EXOC6B: variants seen among roughly 807,000 people sequenced by gnomAD.
EXOC6B encodes exocyst complex component 6B.
Under a neutral mutation model 113.5 loss-of-function variants are expected in EXOC6B, and 54 were observed. The observed-to-expected ratio is 0.48, with a 90% CI of 0.38 to 0.60. The LOEUF is 0.60. Ranked by LOEUF, EXOC6B falls within the 20% of genes least tolerant of loss-of-function variation. The pLI, the probability that EXOC6B is intolerant of heterozygous loss-of-function variation, is 0.00. For synonymous variants in EXOC6B, 357 were observed against 339.0 expected (o/e 1.05, Z -0.58); for missense variants, 797 against 977.5 (o/e 0.82, Z 2.46).
rs1325855216 is a variant in EXOC6B, at chr2:72,559,467, T to C, written c.901A>G (p.Ile301Val). The change falls in exon 8 of 22, where the codon ATA (isoleucine) becomes GTA (valine). Residue 301 changes from isoleucine to valine, a missense_variant. Physicochemically the swap from Ile to Val is conservative, Grantham distance 29 (BLOSUM62 3). Coordinates refer to ENST00000272427, the MANE Select transcript of EXOC6B (RefSeq NM_015189.3). Reference sequence around the variant, plus strand: ...TAAAGACTCACCAGGACAGAATATATATGTAGACATCGATAAACTGGAGAG... The same window carrying C: ...TAAAGACTCACCAGGACAGAATATACATGTAGACATCGATAAACTGGAGAG... ...DFSPVYRCLH[I>V]YSVLGARETF... The C allele has an allele frequency of 6.2e-7, 1 of 1,612,226 alleles. No individual in the cohort carries two copies. Among genetic ancestry groups the C allele is most frequent in the African/African-American group, 1.3e-5 (1 of 74,772 alleles).
intron 6 of EXOC6B, among the ~76,000 whole-genome samples, chr2:72,578,568 T>C (rs1705015690): frequency 6.6e-6 from 1 of 152,102 alleles, no homozygotes; most frequent in Non-Finnish European, 1.5e-5. Context: ...CTCTAACTCA[T>C]GATGCTTCCT....
intron 19 of EXOC6B, among the ~76,000 whole-genome samples, chr2:72,375,322 T>A (rs1691289035): frequency 6.6e-6 from 1 of 152,202 alleles, no homozygotes; most frequent in Non-Finnish European, 1.5e-5. Context: ...ACCCATGTGA[T>A]GTCTATAGGC....
At chr2:72,300,795 C>A (rs563663064) in intron 20 of EXOC6B, among the ~76,000 whole-genome samples, 33 of 152,204 alleles carry the variant, frequency 2.2e-4, no homozygotes, top group South Asian at 1.2e-3. Flanking sequence ...ATCCCCCGAC[C>A]CCTTGCACTT....
intron 6 of EXOC6B, among the ~76,000 whole-genome samples, chr2:72,663,260 G>C (rs977030646): frequency 6.6e-6 from 1 of 152,164 alleles, no homozygotes; most frequent in Admixed American, 6.5e-5. Context: ...TCTGCTGAAT[G>C]AAAGAAGCCA....
intron 2 of EXOC6B, among the ~76,000 whole-genome samples, 189 bp from the exon 3 acceptor site, chr2:72,733,307 C>T (rs1024925909): frequency 6.6e-6 from 1 of 152,038 alleles, no homozygotes; most frequent in Non-Finnish European, 1.5e-5. Context: ...GTTTGCATGA[C>T]CTTTTGAAAA....
At chr2:72,604,772 T>C (rs973195096) in intron 6 of EXOC6B, among the ~76,000 whole-genome samples, 4 of 152,190 alleles carry the variant, frequency 2.6e-5, no homozygotes, top group Non-Finnish European at 4.4e-5. Flanking sequence ...TACAACATTC[T>C]TGGGGGAGAG....
chr2:72,330,341 T>C (rs748224306), intron 20 of EXOC6B, among the ~76,000 whole-genome samples: 6 of 151,750 alleles, frequency 4.0e-5, no homozygotes, highest in Non-Finnish European at 8.8e-5. Context: ...GGAGAATAGA[T>C]AGGACATAAA....
intron 18 of EXOC6B, among the ~76,000 whole-genome samples, chr2:72,449,207 G>A (rs1696766101): frequency 6.6e-6 from 1 of 151,628 alleles, no homozygotes; most frequent in South Asian, 2.1e-4. Flanking sequence ...TTTTGAGACG[G>A]AGTCTCGCTC....
At chr2:72,496,368 T>C (rs1216745890) in intron 14 of EXOC6B, 86 bp downstream of exon 14, 1 of 758,352 alleles carries the variant, frequency 1.3e-6, no homozygotes, top group Admixed American at 2.2e-5. Context: ...GAGTTAAAGG[T>C]AATGCTTTCA....
intron 1 of EXOC6B, among the ~76,000 whole-genome samples, chr2:72,815,781 G>A (rs532212160): frequency 3.3e-5 from 5 of 152,222 alleles, no homozygotes; most frequent in Non-Finnish European, 5.9e-5. Flanking sequence ...CTCTAAAGTG[G>A]GTAATACCTA....
chr2:72,697,510 C>A (rs1409980176), intron 6 of EXOC6B, among the ~76,000 whole-genome samples: 5 of 151,854 alleles, frequency 3.3e-5, no homozygotes, highest in African/African-American at 4.8e-5. Flanking sequence ...ACAAAAAAGA[C>A]CTATCTCTAC....
intron 8 of EXOC6B, among the ~76,000 whole-genome samples, chr2:72,525,485 G>A (rs756403165): frequency 6.6e-6 from 1 of 151,994 alleles, no homozygotes; most frequent in Non-Finnish European, 1.5e-5. Flanking sequence ...TTACCTACCT[G>A]GCTAGAACAA....
intron 1 of EXOC6B, among the ~76,000 whole-genome samples, chr2:72,824,247 G>A (rs1055291688): frequency 6.6e-6 from 1 of 152,052 alleles, no homozygotes; most frequent in Admixed American, 6.6e-5. Context: ...TTAGCCAGGT[G>A]TGGTGGTGGT....
chr2:72,233,827 C>T (rs975061985), intron 20 of EXOC6B, among the ~76,000 whole-genome samples: 4 of 152,182 alleles, frequency 2.6e-5, no homozygotes, highest in African/African-American at 7.2e-5. Context: ...CACCCTACGG[C>T]AGGGTGTGTG....
chr2:72,295,124 G>A (rs576953190), intron 20 of EXOC6B, among the ~76,000 whole-genome samples: 147 of 151,278 alleles, frequency 9.7e-4, no homozygotes, highest in African/African-American at 3.2e-3. Flanking sequence ...CCAGCTACTC[G>A]GGAGGCTGAG....
intron 6 of EXOC6B, among the ~76,000 whole-genome samples, chr2:72,594,154 T>A (rs975252753): frequency 5.9e-5 from 9 of 152,120 alleles, no homozygotes; most frequent in East Asian, 3.9e-4. Flanking sequence ...CTAATTTTTT[T>A]AAATTTTTTA....
chr2:72,244,348 TTAAC>T (rs1315040497), intron 20 of EXOC6B, among the ~76,000 whole-genome samples: 1 of 152,054 alleles, frequency 6.6e-6, no homozygotes, highest in African/African-American at 2.4e-5. Context: ...AATAATATGT[TTAAC>T]TAAATAAAAA....
chr2:72,404,500 T>C (rs1327039754), intron 18 of EXOC6B, among the ~76,000 whole-genome samples: 2 of 152,146 alleles, frequency 1.3e-5, no homozygotes, highest in Non-Finnish European at 1.5e-5. Flanking sequence ...GGTACTCCTC[T>C]GAGACAAAAC....
chr2:72,591,933 C>T (rs958047517), intron 6 of EXOC6B, among the ~76,000 whole-genome samples: 2 of 151,702 alleles, frequency 1.3e-5, no homozygotes, highest in African/African-American at 4.8e-5. Flanking sequence ...AGAAATATTG[C>T]TCAATTAATT....
Sources: gnomAD v4.1 joint callset for allele counts (sites outside exome capture counted in the v4.1 genomes callset) on GRCh38, gnomAD v4.1.1 for gene constraint, MANE v1.5 for transcripts, NCBI Gene and HGNC (gene_info 2026-07-23, HGNC 2026-07-21) for gene names.